The following NR2C2 variants were observed in gnomAD, a reference collection of about 807,000 sequenced individuals.
The protein encoded by NR2C2 is nuclear receptor subfamily 2 group C member 2, also known as Nuclear hormone receptor TR4.
NR2C2 carries 6 observed loss-of-function variants against 62.9 expected under a neutral mutation model. The observed-to-expected ratio is 0.10, with a 90% CI of 0.05 to 0.19. The LOEUF is 0.19. NR2C2 is among the 10% of genes least tolerant of loss of function. NR2C2 has a pLI of 1.00. For synonymous variants in NR2C2, 272 were observed against 273.8 expected (o/e 0.99, Z 0.07); for missense variants, 479 against 762.7 (o/e 0.63, Z 4.38).
chr3:14,964,496 TTATTTTCTATTTTA>T (rs1320317109), intron 1 of NR2C2, among the ~76,000 whole-genome samples: 24 of 69,922 alleles, frequency 3.4e-4, no homozygotes, highest in Admixed American at 1.8e-3. Context: ...TTTATTTTTT[TTATTTTCTATTTTA>T]TATTTTTTAT....
chr3:15,010,024 A>G (rs1255958609), intron 2 of NR2C2, among the ~76,000 whole-genome samples: 2 of 152,192 alleles, frequency 1.3e-5, no homozygotes, highest in African/African-American at 4.8e-5. Flanking sequence ...TACATTTGCA[A>G]AGGCCCTACT....
rs924223250 is a variant in NR2C2, at chr3:15,046,811, C to T, written c.*3803C>T. ...GCCTGAGCCAGCAGAGCAGATGCCC[C>T]ACGTGCTTCCTTTATCCAGCTTCCA... is the stretch of plus-strand genomic sequence containing the variant. On this transcript the variant is annotated 3_prime_UTR_variant, in exon 14 of 14. Coordinates refer to ENST00000425241, the MANE Select transcript of NR2C2 (RefSeq NM_001291694.2). The T allele has an allele frequency of 6.6e-6, 1 of 152,644 alleles. No individual in the cohort carries two copies. Among genetic ancestry groups the T allele is most frequent in the African/African-American group, 2.4e-5 (1 of 41,452 alleles). The allele number at this position is 152,644 out of a possible 1,614,324, so 9.5% of individuals were successfully genotyped here.
At chr3:15,025,960 A>G (rs573295129) in intron 7 of NR2C2, 3 of 152,080 alleles carry the variant, frequency 2.0e-5, no homozygotes, top group Admixed American at 2.0e-4. Flanking sequence ...TGTAATCAAG[A>G]CATAACCTTG....
chr3:14,971,379 A>G (rs891542940), intron 1 of NR2C2, among the ~76,000 whole-genome samples: 1 of 151,614 alleles, frequency 6.6e-6, no homozygotes, highest in Non-Finnish European at 1.5e-5. Context: ...TGGCCTCCCA[A>G]AGTGCTGGGA....
intron 1 of NR2C2, among the ~76,000 whole-genome samples, chr3:14,963,499 C>T (rs915501521): frequency 1.3e-5 from 2 of 152,104 alleles, no homozygotes; most frequent in Non-Finnish European, 2.9e-5. Flanking sequence ...GAGACGGAGT[C>T]TTGCTGTCTC....
At chr3:14,997,615 T>C (rs1386546831) in intron 1 of NR2C2, among the ~76,000 whole-genome samples, 1 of 152,198 alleles carries the variant, frequency 6.6e-6, no homozygotes, top group African/African-American at 2.4e-5. Context: ...TTGTCCTGCC[T>C]ATTTCTTAGC....
chr3:14,994,721 G>A lies in NR2C2; in HGVS notation c.-39-9155G>A, dbSNP rs1201433107. Among the ~76,000 whole-genome samples, 29 of 148,390 alleles carry A rather than the reference G, an allele frequency of 2.0e-4. 4 individuals are homozygous for A. The highest frequency in any genetic ancestry group is 1.7e-3 in the South Asian group (8 of 4,682). ...CTCCCAAAGTGCTGGGTCTGCAGAT[G>A]TGAGCTGCCACACCCAACCTATTCA... On this transcript the variant is annotated intron_variant, in intron 1 of 13. Coordinates refer to ENST00000425241, the MANE Select transcript of NR2C2 (RefSeq NM_001291694.2).
At chr3:15,011,247 A>G (rs2041344883) in intron 2 of NR2C2, among the ~76,000 whole-genome samples, 1 of 152,156 alleles carries the variant, frequency 6.6e-6, no homozygotes, top group African/African-American at 2.4e-5. Flanking sequence ...GCCAAAGCAG[A>G]AGGATTGCTT....
rs142821175 is a variant in NR2C2 at position 15,037,535 on chromosome 3, T to C, written c.1373-465T>C. Among the ~76,000 whole-genome samples, 287 of 152,300 alleles carry C rather than the reference T, an allele frequency of 1.9e-3. 1 individual carries two copies. Among genetic ancestry groups the C allele is most frequent in the African/African-American group, 6.4e-3 (265 of 41,554 alleles). ...AAGGTGGGAGGATCACTTGAGCTTA[T>C]GAATTCAAGTTCAGCCTGGGCAACA... On this transcript the variant is annotated intron_variant, in intron 11 of 13. Transcript: ENST00000425241.
Position 15,043,279 on chromosome 3 carries a change from CA to C in NR2C2, c.*277del. 1 of 246,302 alleles carries C rather than the reference CA, an allele frequency of 4.1e-6. No individual in the cohort carries two copies. The highest frequency in any genetic ancestry group is 7.5e-6 in the Non-Finnish European group (1 of 132,804). 15.3% of individuals were successfully genotyped at this position (246,302 alleles called of 1,614,324 possible). ...TTTGTATTTAGAAATTCTCAAAGGG[CA>C]AAAAACAAAAAAAAAGGTTTTATAA... On this transcript the variant is annotated 3_prime_UTR_variant, in exon 14 of 14. Transcript: ENST00000425241.
In NR2C2 at chr3:14,982,422, C is replaced by G. The variant is rs1411987980; in HGVS notation, c.-39-21454C>G. On this transcript the variant is annotated intron_variant, in intron 1 of 13. Transcript: ENST00000425241. Reference sequence around the variant, plus strand: ...CTTTTCAGAGTTGGAATTGCAAATACTTAAATGAATCAATTTAGAGAGAGT... The same window carrying G: ...CTTTTCAGAGTTGGAATTGCAAATAGTTAAATGAATCAATTTAGAGAGAGT... 2.0e-5 allele frequency among the ~76,000 whole-genome samples: 3 copies of G among 152,142 alleles called. No individual in the cohort carries two copies. In the East Asian group the frequency reaches 5.8e-4, roughly 29 times the overall value.
At position 15,012,506 on chromosome 3, in the gene NR2C2, A is replaced by G. The variant is rs955132975; in HGVS notation, c.73-1083A>G. ...CTCCCAGAGTGTTGGGATTACAGAC[A>G]TGAGCCACTGCGTCCGGCTGGAGTT... On this transcript the variant is annotated intron_variant, in intron 2 of 13. Transcript: ENST00000425241. Among the ~76,000 whole-genome samples, 33 of 152,024 alleles carry G rather than the reference A, an allele frequency of 2.2e-4. 4 individuals carry two copies. The highest frequency in any genetic ancestry group is 2.1e-3 in the South Asian group (10 of 4,832).
intron 12 of NR2C2, 163 bp from the exon 13 acceptor site, chr3:15,038,959 G>C: frequency 4.8e-6 from 3 of 619,444 alleles, no homozygotes; most frequent in Non-Finnish European, 8.7e-6. Context: ...AGAAAACAGA[G>C]GAAAAGCCAG....
At chr3:14,987,249 G>T (rs1044598948) in intron 1 of NR2C2, among the ~76,000 whole-genome samples, 6 of 151,866 alleles carry the variant, frequency 4.0e-5, no homozygotes, top group Admixed American at 6.6e-5. Context: ...CACCCAGCTG[G>T]TTTTTTTATT....
chr3:15,009,516 C>T (rs2041290389), intron 2 of NR2C2, among the ~76,000 whole-genome samples: 1 of 152,180 alleles, frequency 6.6e-6, no homozygotes, highest in African/African-American at 2.4e-5. Flanking sequence ...TTCATCTTTT[C>T]ACAACAAGCA....
At chr3:14,999,490 C>T (rs188937926) in intron 1 of NR2C2, among the ~76,000 whole-genome samples, 2 of 151,618 alleles carry the variant, frequency 1.3e-5, no homozygotes. Context: ...GAGATCTTGT[C>T]CCCCCCAAAA....
Position 15,042,916 on chromosome 3 carries a change from A to G in NR2C2, c.1699A>G (p.Ile567Val), listed in dbSNP as rs2042320642. The G allele has an allele frequency of 6.2e-7, 1 of 1,614,100 alleles. No homozygotes were observed. Residue 567 changes from isoleucine to valine, a missense_variant, in exon 14 of 14, where the codon ATT becomes GTT. Physicochemically the swap from Ile to Val is conservative, Grantham distance 29. Around this residue, in one of 4 missense-constraint regions of NR2C2, gnomAD observed 162 missense variants for 296.8 expected, o/e 0.55. Coordinates refer to ENST00000425241, the MANE Select transcript of NR2C2 (RefSeq NM_001291694.2). The part of the protein sequence containing the change: ...ITEELFFTGL[I>V]GNVSIDSIIP... Reference sequence around the variant, plus strand: ...AGAAGAACTTTTTTTTACTGGTCTCATTGGCAATGTTTCGATAGACAGCAT... The same window carrying G: ...AGAAGAACTTTTTTTTACTGGTCTCGTTGGCAATGTTTCGATAGACAGCAT...
rs373136650 is a variant in NR2C2 at position 14,964,676 on chromosome 3, G to A, written c.-40+16770G>A. On this transcript the variant is annotated intron_variant, in intron 1 of 13. Coordinates refer to ENST00000425241, the MANE Select transcript of NR2C2 (RefSeq NM_001291694.2). ...ACTACAGGCGCCCGCCACCACACCC[G>A]GCTAATTTTTTTTTTTTTTTGTATT... Among the ~76,000 whole-genome samples the A allele has an allele frequency of 9.7e-3, 1,461 of 150,548 alleles. 4 individuals carry two copies. The highest frequency in any genetic ancestry group is 0.016 in the African/African-American group (638 of 40,468).
intron 11 of NR2C2, among the ~76,000 whole-genome samples, chr3:15,035,198 C>G (rs1387791046): frequency 1.3e-5 from 2 of 152,136 alleles, no homozygotes; most frequent in African/African-American, 4.8e-5. Flanking sequence ...GAGGCTGAGG[C>G]AGGAGGATTG....
Sources: gnomAD v4.1 joint callset for allele counts (sites outside exome capture counted in the v4.1 genomes callset) on GRCh38, gnomAD v4.1.1 for gene constraint, gnomAD v4.1.1 regional missense constraint, MANE v1.5 for transcripts, NCBI Gene and HGNC (gene_info 2026-07-23, HGNC 2026-07-21) for gene names.